Variants in ARMH3 observed in about 807,000 individuals in gnomAD.
ARMH3 encodes armadillo like helical domain containing 3, also known as armadillo-like helical domain-containing protein 3.
ARMH3 carries 60 observed loss-of-function variants against 99.1 expected under a neutral mutation model. The ratio of observed to expected loss-of-function variants is 0.61; its 90% confidence interval spans 0.49 to 0.75. The LOEUF (loss-of-function observed/expected upper bound fraction) is 0.75. ARMH3 is among the 30% of genes least tolerant of loss of function. The pLI, the probability that ARMH3 is intolerant of heterozygous loss-of-function variation, is 0.00. For synonymous variants in ARMH3, 285 were observed against 292.8 expected (o/e 0.97, Z 0.27); for missense variants, 679 against 843.1 (o/e 0.81, Z 2.41).
chr10:102,029,844 T>C, intron 4 of ARMH3, 99 bp from the exon 5 acceptor site: 1 of 1,191,308 alleles, frequency 8.4e-7, no homozygotes, highest in Non-Finnish European at 1.2e-6. Flanking sequence ...ACTGAATAAA[T>C]TCAATTTCTC....
chr10:101,934,440 T>C (rs1418792250), intron 23 of ARMH3, among the ~76,000 whole-genome samples: 3 of 152,210 alleles, frequency 2.0e-5, no homozygotes, highest in Non-Finnish European at 4.4e-5. Context: ...TAAATTCTCA[T>C]TCCAAACCCC....
chr10:102,020,398 C>T (rs1033268203), intron 8 of ARMH3, among the ~76,000 whole-genome samples: 1 of 151,806 alleles, frequency 6.6e-6, no homozygotes, highest in Non-Finnish European at 1.5e-5. Context: ...CGAGCACGGC[C>T]GGGCGCGGTG....
intron 19 of ARMH3, among the ~76,000 whole-genome samples, chr10:101,978,117 T>C (rs1846083984): frequency 6.6e-6 from 1 of 152,234 alleles, no homozygotes; most frequent in Admixed American, 6.5e-5. Context: ...TATTAAAACA[T>C]GATTCTACTT....
At position 101,963,882 on chromosome 10, in the gene ARMH3, T is replaced by C. The variant is rs573958224; in HGVS notation, c.1496-6150A>G. ...GTAGGGGTTCTCTTTTTCTTTCTTT[T>C]TTTTTTTTTTTTGAGACGGAGTCTT... On this transcript the variant is annotated intron_variant, in intron 20 of 25. Coordinates refer to ENST00000370033, the MANE Select transcript of ARMH3 (RefSeq NM_024541.3). 6.0e-5 allele frequency among the ~76,000 whole-genome samples: 9 copies of C among 150,146 alleles called. No individual in the cohort carries two copies. In the East Asian group the frequency reaches 1.7e-3, roughly 29 times the overall value.
intron 24 of ARMH3, among the ~76,000 whole-genome samples, chr10:101,858,245 G>A (rs2135297966): frequency 6.6e-6 from 1 of 152,376 alleles, no homozygotes; most frequent in African/African-American, 2.4e-5. Flanking sequence ...AGTAGCTAGT[G>A]ATAGTCAAGA....
intron 23 of ARMH3, among the ~76,000 whole-genome samples, chr10:101,893,636 T>G (rs1236965035): frequency 6.6e-6 from 1 of 151,432 alleles, no homozygotes; most frequent in Non-Finnish European, 1.5e-5. Flanking sequence ...TGAGTAGTTC[T>G]TTCACAAGGA....
chr10:101,902,879 A>C (rs931121717), intron 23 of ARMH3, among the ~76,000 whole-genome samples: 7 of 152,192 alleles, frequency 4.6e-5, no homozygotes, highest in African/African-American at 1.7e-4. Flanking sequence ...TAGTGCAACA[A>C]GATGAAGGTC....
chr10:102,044,097 T>TC (rs1487763045), intron 1 of ARMH3, among the ~76,000 whole-genome samples: 2 of 148,484 alleles, frequency 1.3e-5, no homozygotes, highest in African/African-American at 4.9e-5. Context: ...TTTTCTTTTT[T>TC]TTTTTTTTTT....
intron 23 of ARMH3, among the ~76,000 whole-genome samples, chr10:101,914,750 C>A (rs1274705012): frequency 6.7e-6 from 1 of 150,370 alleles, no homozygotes; most frequent in Non-Finnish European, 1.5e-5. Flanking sequence ...CCTGTAATCC[C>A]AGCTACTTGG....
chr10:101,976,745 A>G (rs1318375605), intron 19 of ARMH3, among the ~76,000 whole-genome samples: 1 of 152,152 alleles, frequency 6.6e-6, no homozygotes, highest in Non-Finnish European at 1.5e-5. Context: ...CTATTAAAAA[A>G]TTAGCTGGGC....
rs936154507 is a variant in ARMH3, at chr10:101,990,693, T to C, written c.1346-82A>G. Reference sequence around the variant, plus strand: ...TTGAGTTGGAAAAAAAGCTTCTGAGTACACCTTGCACTCACACTGAACGGC... The same window carrying C: ...TTGAGTTGGAAAAAAAGCTTCTGAGCACACCTTGCACTCACACTGAACGGC... On this transcript the variant is annotated intron_variant, in intron 18 of 25. Transcript: ENST00000370033. The C allele has an allele frequency of 1.0e-5, 11 of 1,082,564 alleles. No individual in the cohort carries two copies. The African/African-American group carries it at 1.7e-4, about 17-fold the overall frequency. The allele number at this position is 1,082,564 out of a possible 1,614,324, so 67.1% of individuals were successfully genotyped here.
intron 23 of ARMH3, among the ~76,000 whole-genome samples, chr10:101,907,118 C>T (rs999278853): frequency 3.3e-5 from 5 of 152,128 alleles, no homozygotes; most frequent in African/African-American, 9.7e-5. Flanking sequence ...TGTCTACCAA[C>T]GGGGAGACGA....
chr10:102,055,977 G>C (rs1274727564), intron 1 of ARMH3, 108 bp downstream of exon 1: 8 of 152,536 alleles, frequency 5.2e-5, no homozygotes, highest in Admixed American at 5.2e-4. Context: ...CCCGCGGCCA[G>C]CGCAGGCCCC....
At chr10:101,947,713 T>C (rs1844603902) in intron 22 of ARMH3, among the ~76,000 whole-genome samples, 1 of 151,924 alleles carries the variant, frequency 6.6e-6, no homozygotes, top group Admixed American at 6.6e-5. Flanking sequence ...GGCAGGAGAA[T>C]CGCTTGAACC....
chr10:102,010,110 A>C, intron 11 of ARMH3, 87 bp from the exon 12 acceptor site: 2 of 1,278,560 alleles, frequency 1.6e-6, no homozygotes, highest in South Asian at 2.5e-5. Context: ...CAGTGAAGAA[A>C]ACAAGCTGCT....
At chr10:101,990,423 G>C (rs539149919) in intron 19 of ARMH3, 128 bp downstream of exon 19, 1 of 607,944 alleles carries the variant, frequency 1.6e-6, no homozygotes, top group African/African-American at 1.9e-5. Context: ...CGCCCGCCTC[G>C]GCCTCCCAAG....
At chr10:101,996,618 G>A (rs890576264) in intron 15 of ARMH3, among the ~76,000 whole-genome samples, 2 of 151,942 alleles carry the variant, frequency 1.3e-5, no homozygotes, top group African/African-American at 4.8e-5. Context: ...AAACTGATAC[G>A]CAACTCCCAC....
At chr10:101,935,455 GACGAAGTACTTTTA>G (rs1843923995) in intron 23 of ARMH3, among the ~76,000 whole-genome samples, 1 of 152,140 alleles carries the variant, frequency 6.6e-6, no homozygotes, top group African/African-American at 2.4e-5. Context: ...CTCCGAGTGT[GACGAAGTACTTTTA>G]ACTTTCACTG....
intron 8 of ARMH3, among the ~76,000 whole-genome samples, chr10:102,017,995 A>C (rs1468159200): frequency 6.6e-6 from 1 of 152,140 alleles, no homozygotes; most frequent in Non-Finnish European, 1.5e-5. Context: ...GTGAAGATCC[A>C]GAAGCTCAAA....
Sources: gnomAD v4.1 joint callset for allele counts (sites outside exome capture counted in the v4.1 genomes callset) on GRCh38, gnomAD v4.1.1 for gene constraint, MANE v1.5 for transcripts, NCBI Gene and HGNC (gene_info 2026-07-23, HGNC 2026-07-21) for gene names.